Variants in EEFSEC observed in about 807,000 individuals in gnomAD.
The protein encoded by EEFSEC is selenocysteine-specific elongation factor.
Under a neutral mutation model 42.1 loss-of-function variants are expected in EEFSEC, and 43 were observed. That is an observed-to-expected ratio of 1.02 (90% CI 0.80 to 1.32). The LOEUF is 1.32. Among genes scored for constraint, EEFSEC ranks in the 40% most tolerant of loss-of-function variants. The probability of loss-of-function intolerance (pLI) is 0.00; values close to 1 mark genes in which losing one functional copy is unlikely to be tolerated. For synonymous variants in EEFSEC, 354 were observed against 339.1 expected (o/e 1.04, Z -0.48); for missense variants, 745 against 803.6 (o/e 0.93, Z 0.88).
chr3:128,154,017 C>T (rs978235217), intron 1 of EEFSEC, 194 bp downstream of exon 1: 18 of 687,140 alleles, frequency 2.6e-5, no homozygotes, highest in Admixed American at 1.7e-4. Flanking sequence ...TGAGATTCAG[C>T]TTTTCCCATC....
At chr3:128,195,640 C>T (rs1027154672) in intron 1 of EEFSEC, among the ~76,000 whole-genome samples, 1 of 152,194 alleles carries the variant, frequency 6.6e-6, no homozygotes, top group Non-Finnish European at 1.5e-5. Context: ...GAGATGAAGG[C>T]GCCTCCCATT....
intron 2 of EEFSEC, 148 bp downstream of exon 2, chr3:128,247,191 G>T (rs895600188): frequency 1.3e-4 from 109 of 832,846 alleles, no homozygotes; most frequent in Non-Finnish European, 1.8e-4. Context: ...TCACATAAGG[G>T]CTGCATTAAA....
chr3:128,200,097 G>T (rs1167979821), intron 1 of EEFSEC, among the ~76,000 whole-genome samples: 1 of 151,838 alleles, frequency 6.6e-6, no homozygotes, highest in African/African-American at 2.4e-5. Context: ...AAATCTCAGG[G>T]CTACGTTTAT....
the EEFSEC span, among the ~76,000 whole-genome samples, chr3:128,425,364 C>T: frequency 6.6e-6 from 1 of 152,208 alleles, no homozygotes; most frequent in Admixed American, 6.5e-5. Context: ...CTGAGCAGGG[C>T]CCCGAGGTGT....
rs1259666397 is a variant in EEFSEC at position 128,198,515 on chromosome 3, G to A, written c.316+44692G>A. 2.6e-5 allele frequency among the ~76,000 whole-genome samples: 4 copies of A among 152,210 alleles called. No homozygotes were observed. The East Asian group carries it at 7.7e-4, about 29-fold the overall frequency. ...GGGCACTCTTCCGGCAGCACATGTG[G>A]TTCTCAGTGTCTTCTTGCACAAGGC... On this transcript the variant is annotated intron_variant, in intron 1 of 6. Coordinates refer to ENST00000254730, the MANE Select transcript of EEFSEC (RefSeq NM_021937.5).
intron 6 of EEFSEC, among the ~76,000 whole-genome samples, chr3:128,402,058 G>A (rs773488342): frequency 3.9e-4 from 60 of 152,324 alleles, no homozygotes; most frequent in Admixed American, 1.0e-3. Context: ...GGTAGGCACC[G>A]TGCCTTCTCT....
intron 1 of EEFSEC, among the ~76,000 whole-genome samples, chr3:128,220,782 C>T (rs758176814): frequency 1.3e-5 from 2 of 152,202 alleles, no homozygotes; most frequent in East Asian, 1.9e-4. Context: ...GCAACAGACC[C>T]GGCTTCAAGC....
rs183131762 is a variant in EEFSEC, at chr3:128,184,311, G to A, written c.316+30488G>A. Among the ~76,000 whole-genome samples the A allele has an allele frequency of 5.3e-4, 81 of 152,154 alleles. No homozygotes were observed. In the East Asian group the frequency reaches 9.8e-3, roughly 18 times the overall value. ...CAGAACCTTTTCATCTTCTCAAACT[G>A]CAACTCTGTATCCATTACACACTTA... On this transcript the variant is annotated intron_variant, in intron 1 of 6. Coordinates refer to ENST00000254730, the MANE Select transcript of EEFSEC (RefSeq NM_021937.5).
intron 1 of EEFSEC, among the ~76,000 whole-genome samples, chr3:128,228,517 G>A (rs1055244262): frequency 3.3e-5 from 5 of 152,122 alleles, no homozygotes; most frequent in African/African-American, 9.7e-5. Context: ...GTCAGGTGGT[G>A]CAGGTAGGGG....
At chr3:128,262,476 G>A (rs1411114471) in intron 3 of EEFSEC, among the ~76,000 whole-genome samples, 2 of 152,184 alleles carry the variant, frequency 1.3e-5, no homozygotes, top group East Asian at 1.9e-4. Context: ...TGCAGAGCTC[G>A]TCACACCTTG....
chr3:128,282,594 C>T (rs887744621), intron 4 of EEFSEC, among the ~76,000 whole-genome samples: 3 of 152,202 alleles, frequency 2.0e-5, no homozygotes, highest in African/African-American at 4.8e-5. Flanking sequence ...GGCATCTCAT[C>T]GTGAGCCCTA....
chr3:128,416,317 G>A, the EEFSEC span, among the ~76,000 whole-genome samples: 43 of 152,248 alleles, frequency 2.8e-4, no homozygotes, highest in East Asian at 7.2e-3. Flanking sequence ...GCAGGGCCCC[G>A]GCCTGGCCCA....
the EEFSEC span, among the ~76,000 whole-genome samples, chr3:128,415,784 C>T: frequency 8.5e-5 from 13 of 152,348 alleles, no homozygotes; most frequent in African/African-American, 3.1e-4. Context: ...CAAGGAAGGT[C>T]TCCTGGCCGG....
rs1350121658 is a variant in EEFSEC at position 128,358,313 on chromosome 3, G to T, written c.1540G>T (p.Glu514Ter). The stretch of plus-strand genomic sequence containing the variant: ...GCTCAAGGTGCACTTGTCCACTGGG[G>T]AACTGGGCATCATCGACAGTGCCTT... ...VGLKVHLSTG[E>*]LGIIDSAFGQ... Residue 514 changes from glutamate to a stop codon, truncating the protein, a stop_gained, in exon 6 of 7, where the codon GAA (glutamate) becomes TAA (stop). Coordinates refer to ENST00000254730, the MANE Select transcript of EEFSEC (RefSeq NM_021937.5). LOFTEE classifies it high-confidence loss of function. The T allele has an allele frequency of 5.6e-6, 9 of 1,614,250 alleles. No homozygotes were observed. In the East Asian group the frequency reaches 2.0e-4, roughly 36 times the overall value.
chr3:128,421,636 TC>T, the EEFSEC span, among the ~76,000 whole-genome samples: 1 of 152,004 alleles, frequency 6.6e-6, no homozygotes, highest in Non-Finnish European at 1.5e-5. Context: ...CTGGACGACC[TC>T]CCGGTGCACA....
intron 6 of EEFSEC, among the ~76,000 whole-genome samples, chr3:128,379,804 C>T (rs1273370001): frequency 6.6e-6 from 1 of 152,216 alleles, no homozygotes; most frequent in East Asian, 1.9e-4. Context: ...CCAGGAGCCC[C>T]TCCCTCACCC....
chr3:128,405,140 T>C (rs1488237074), intron 6 of EEFSEC, among the ~76,000 whole-genome samples: 1 of 151,822 alleles, frequency 6.6e-6, no homozygotes, highest in Non-Finnish European at 1.5e-5. Context: ...CTTCAGCCTC[T>C]CGAGTAGCTG....
At chr3:128,399,687 TCA>T (rs1490813952) in intron 6 of EEFSEC, among the ~76,000 whole-genome samples, 1 of 151,830 alleles carries the variant, frequency 6.6e-6, no homozygotes, top group Non-Finnish European at 1.5e-5. Context: ...AGAGTCGCTG[TCA>T]CTGCTCACAG....
chr3:128,332,609 G>A (rs575777788), intron 4 of EEFSEC, among the ~76,000 whole-genome samples: 461 of 152,292 alleles, frequency 3.0e-3, no homozygotes, highest in Non-Finnish European at 4.8e-3. Context: ...CCGCCATAAT[G>A]CCCGGCTAAT....
Sources: allele counts gnomAD v4.1 joint callset (sites outside exome capture counted in the v4.1 genomes callset), GRCh38; gene constraint gnomAD v4.1.1; transcripts MANE v1.5; gene names NCBI Gene and HGNC (gene_info 2026-07-23, HGNC 2026-07-21).